Variants in TNRC6A observed in about 807,000 individuals in gnomAD.
The protein encoded by TNRC6A is trinucleotide repeat-containing gene 6A protein.
A neutral mutation model predicts 221.2 loss-of-function variants in TNRC6A; 44 were observed. The ratio of observed to expected loss-of-function variants is 0.20; its 90% CI spans 0.16 to 0.26. TNRC6A has a LOEUF of 0.26. Among genes scored for constraint, TNRC6A ranks in the 10% least tolerant of loss-of-function variants. TNRC6A has a pLI of 1.00. For missense variants in TNRC6A, 2,199 were observed against 2,404.4 expected, an observed-to-expected ratio of 0.91 and a Z score of 1.79; for synonymous variants, 847 against 838.5, an observed-to-expected ratio of 1.01 and a Z score of -0.18.
In TNRC6A at chr16:24,825,643, G is replaced by A. The variant is rs534084985; in HGVS notation, c.*1836G>A. On this transcript the variant is annotated 3_prime_UTR_variant, in exon 25 of 25. Coordinates refer to ENST00000395799, the MANE Select transcript of TNRC6A (RefSeq NM_014494.4). ...AATGTGAGAACAATGGGAAACTGTA[G>A]CTTGCTCCTTCCCACCCTCTCTGAG... The A allele has an allele frequency of 6.5e-6, 1 of 152,758 alleles. No individual in the cohort carries two copies. The highest frequency in any genetic ancestry group is 2.1e-4 in the South Asian group (1 of 4,824). The allele number at this position is 152,758 out of a possible 1,614,324, so 9.5% of individuals were successfully genotyped here.
intron 1 of TNRC6A, among the ~76,000 whole-genome samples, chr16:24,628,239 T>C (rs1279431997): frequency 6.6e-6 from 1 of 151,188 alleles, no homozygotes; most frequent in Non-Finnish European, 1.5e-5. Flanking sequence ...ACCAACATGG[T>C]GAAACCCCGT....
At chr16:24,649,699 T>C (rs1048517222) in intron 2 of TNRC6A, among the ~76,000 whole-genome samples, 1 of 152,012 alleles carries the variant, frequency 6.6e-6, no homozygotes, top group Non-Finnish European at 1.5e-5. Context: ...TTAACCATAC[T>C]CACCATGTTG....
chr16:24,631,641 G>A lies in TNRC6A; in HGVS notation n.277-9243G>A, dbSNP rs150465638. The stretch of plus-strand genomic sequence containing the variant: ...GCAAAAATTAGCCTGGCGTGGTGGC[G>A]CACGCCTGTAGTCCTAGCTGCTTGG... On this transcript the variant is annotated intron_variant and non_coding_transcript_variant, in intron 1 of 2. Coordinates refer to the TNRC6A transcript ENST00000566108. 3.1e-3 allele frequency among the ~76,000 whole-genome samples: 467 copies of A among 152,020 alleles called. 6 individuals carry two copies. The highest frequency in any genetic ancestry group is 5.2e-3 in the Non-Finnish European group (350 of 67,960).
intron 18 of TNRC6A, among the ~76,000 whole-genome samples, chr16:24,812,288 G>T (rs545340887): frequency 6.6e-6 from 1 of 152,138 alleles, no homozygotes; most frequent in East Asian, 1.9e-4. Context: ...CTGAACTCAG[G>T]TGATCTGCCT....
At chr16:24,766,571 A>T (rs1251632663) in intron 4 of TNRC6A, among the ~76,000 whole-genome samples, 2 of 151,952 alleles carry the variant, frequency 1.3e-5, no homozygotes, top group African/African-American at 4.8e-5. Context: ...TGAGGATGGG[A>T]TCTATCAACT....
chr16:24,679,392 G>A (rs952356831), intron 2 of TNRC6A, among the ~76,000 whole-genome samples: 4 of 151,920 alleles, frequency 2.6e-5, no homozygotes, highest in African/African-American at 7.3e-5. Flanking sequence ...CAGCCTCGAC[G>A]TCCAGGGCTC....
chr16:24,721,905 C>T (rs1459801299), intron 2 of TNRC6A, among the ~76,000 whole-genome samples: 2 of 152,134 alleles, frequency 1.3e-5, no homozygotes, highest in South Asian at 2.1e-4. Flanking sequence ...AGAATATACA[C>T]AGTATGACTT....
chr16:24,713,768 T>A (rs2056256938), intron 2 of TNRC6A, among the ~76,000 whole-genome samples: 1 of 152,040 alleles, frequency 6.6e-6, no homozygotes, highest in East Asian at 1.9e-4. Context: ...TGCCTCAGCC[T>A]CCTGAGTAGC....
rs561033697 is a variant in TNRC6A, at chr16:24,773,732, GT to G, written c.164-3193del. On this transcript the variant is annotated intron_variant, in intron 4 of 24. Transcript: ENST00000395799. ...CTTAATTGCTCATATCTTTTTAGTT[GT>G]TTTTTTTATTATGAATATGAAATTT... 2.0e-4 allele frequency among the ~76,000 whole-genome samples: 31 copies of G among 151,488 alleles called. No homozygotes were observed. In the South Asian group the frequency reaches 4.6e-3, roughly 22 times the overall value.
chr16:24,784,189 A>T lies in TNRC6A; in HGVS notation c.590-5043A>T, dbSNP rs1328375561. Among the ~76,000 whole-genome samples the T allele has an allele frequency of 3.9e-5, 6 of 152,288 alleles. No homozygotes were observed. In the East Asian group the frequency reaches 1.2e-3, roughly 29 times the overall value. ...GTTAATTTTTGTATTTTTAGTAGAG[A>T]TGGTGTTTCACCCTGTTGGCCAGGC... On this transcript the variant is annotated intron_variant, in intron 5 of 24. Transcript: ENST00000395799.
chr16:24,715,605 C>CTTTTTTTTTTTTTTTTTTTT (rs58843836), intron 2 of TNRC6A, among the ~76,000 whole-genome samples: 1 of 127,220 alleles, frequency 7.9e-6, no homozygotes, highest in Non-Finnish European at 1.7e-5. Context: ...TGAGTAGTTT[C>CTTTTTTTTTTTTTTTTTTTT]TTTTTTTTTT....
rs1253014152 is a variant in TNRC6A at position 24,791,786 on chromosome 16, C to T, written c.3144C>T (p.Ala1048=). The change falls in exon 6 of 25, where the codon GCC becomes GCT. Residue 1048 remains alanine, a synonymous_variant. Coordinates refer to ENST00000395799, the MANE Select transcript of TNRC6A (RefSeq NM_014494.4). ...QVHQLLTPAS[A]ISNKEASSGS... is the part of the protein sequence containing the mutation. ...ATCAGCTGCTAACGCCTGCAAGTGCCATCTCAAACAAAGAGGCAAGCAGTG... is the reference window on the plus strand; with the variant it reads ...ATCAGCTGCTAACGCCTGCAAGTGCTATCTCAAACAAAGAGGCAAGCAGTG... The T allele has an allele frequency of 2.5e-5, 39 of 1,567,004 alleles. No individual in the cohort carries two copies. Among genetic ancestry groups the T allele is most frequent in the Non-Finnish European group, 3.3e-5 (38 of 1,160,762 alleles).
upstream of TNRC6A, among the ~76,000 whole-genome samples, chr16:24,727,240 G>C: frequency 6.6e-6 from 1 of 152,088 alleles, no homozygotes; most frequent in East Asian, 1.9e-4. Flanking sequence ...TGCTGGCCAG[G>C]CTGGTCTCAA....
rs920205343 is a variant in TNRC6A, at chr16:24,729,706, C to T, written c.-136C>T. 24 of 1,077,568 alleles carry T rather than the reference C, an allele frequency of 2.2e-5. No homozygotes were observed. Among genetic ancestry groups the T allele is most frequent in the East Asian group, 3.3e-5 (1 of 30,630 alleles). 66.8% of individuals were successfully genotyped at this position (1,077,568 alleles called of 1,614,324 possible). ...GTGTCGGCGGCGGCGGCGGCGGCGGCGGCGGCGGCGGCAGCGGGTCGGTGT... is the reference window on the plus strand; with the variant it reads ...GTGTCGGCGGCGGCGGCGGCGGCGGTGGCGGCGGCGGCAGCGGGTCGGTGT... On this transcript the variant is annotated 5_prime_UTR_variant, in exon 1 of 25. Transcript: ENST00000395799.
chr16:24,742,590 A>G (rs1475274876), intron 2 of TNRC6A, among the ~76,000 whole-genome samples: 2 of 152,182 alleles, frequency 1.3e-5, no homozygotes, highest in African/African-American at 4.8e-5. Context: ...CAGAGCAGTA[A>G]TTAGTCCTAT....
In TNRC6A at chr16:24,627,697, C is replaced by CT. The variant is rs57520356; in HGVS notation, n.277-13165dup. Among the ~76,000 whole-genome samples, 801 of 101,762 alleles carry CT rather than the reference C, an allele frequency of 7.9e-3. 14 individuals are homozygous for CT. Among genetic ancestry groups the CT allele is most frequent in the Non-Finnish European group, 0.011 (598 of 53,574 alleles). The allele number at this position is 101,762 out of a possible 152,430, so 66.8% of individuals were successfully genotyped here. A position where few individuals can be genotyped will look rare whatever the true frequency, so the allele number is the denominator to read the frequency against. On this transcript the variant is annotated intron_variant and non_coding_transcript_variant, in intron 1 of 2. Coordinates refer to the TNRC6A transcript ENST00000566108. ...GTCTCTTTCATGTTTTCTTTTCTTG[C>CT]TTTTTTTTTTTTTTTTTTTTTTGAC...
chr16:24,622,611 C>T (rs752247636), intron 1 of TNRC6A, among the ~76,000 whole-genome samples: 1 of 152,080 alleles, frequency 6.6e-6, no homozygotes, highest in Admixed American at 6.6e-5. Flanking sequence ...AAAAAATCAT[C>T]ATAATAATTG....
rs1468673016 is a variant in TNRC6A at position 24,824,830 on chromosome 16, T to G, written c.*1023T>G. ...AGGAAAAAAAGAAAAACCCCAACTT[T>G]TAGCACTGATACTACATATTGCTCT... On this transcript the variant is annotated 3_prime_UTR_variant, in exon 25 of 25. Coordinates refer to ENST00000395799, the MANE Select transcript of TNRC6A (RefSeq NM_014494.4). 1 of 152,054 alleles carries G rather than the reference T, an allele frequency of 6.6e-6. No individual in the cohort carries two copies. Among genetic ancestry groups the G allele is most frequent in the Non-Finnish European group, 1.5e-5 (1 of 67,946 alleles). 9.4% of individuals were successfully genotyped at this position (152,054 alleles called of 1,614,324 possible).
At chr16:24,610,531 AC>A (rs1899996639) in intron 1 of TNRC6A, 1 of 152,186 alleles carries the variant, frequency 6.6e-6, no homozygotes, top group Non-Finnish European at 1.5e-5. Flanking sequence ...GCTTTCCTCA[AC>A]TGCCTCATTA....
Sources: gnomAD v4.1 joint callset for allele counts (sites outside exome capture counted in the v4.1 genomes callset) on GRCh38, gnomAD v4.1.1 for gene constraint, MANE v1.5 for transcripts, NCBI Gene and HGNC (gene_info 2026-07-23, HGNC 2026-07-21) for gene names.